Variants in ICA1 observed in about 807,000 individuals in gnomAD.
The protein encoded by ICA1 is islet cell autoantigen 1.
ICA1 carries 40 observed loss-of-function variants against 71.0 expected under a neutral mutation model. That is an observed-to-expected ratio of 0.56 (90% CI 0.44 to 0.73). The LOEUF (loss-of-function observed/expected upper bound fraction) is 0.73, where lower values mean the gene tolerates loss of function less well. ICA1 is among the 30% of genes least tolerant of loss of function. The pLI, the probability that ICA1 is intolerant of heterozygous loss-of-function variation, is 0.00. For missense variants in ICA1, 578 were observed against 576.5 expected, an observed-to-expected ratio of 1.00 and a Z score of -0.03; for synonymous variants, 207 against 209.5, an observed-to-expected ratio of 0.99 and a Z score of 0.10.
intron 1 of ICA1, among the ~76,000 whole-genome samples, chr7:8,245,782 C>T (rs1438992717): frequency 1.3e-5 from 2 of 152,144 alleles, no homozygotes; most frequent in Non-Finnish European, 2.9e-5. Flanking sequence ...TCTCAATTCA[C>T]ACTAGCCATA....
At chr7:8,169,139 G>C (rs1325516980) in intron 6 of ICA1, among the ~76,000 whole-genome samples, 1 of 152,020 alleles carries the variant, frequency 6.6e-6, no homozygotes, top group African/African-American at 2.4e-5. Context: ...TTTGTGGCTG[G>C]ATTCTTTCAC....
chr7:8,186,969 G>C (rs760314279), intron 6 of ICA1, among the ~76,000 whole-genome samples: 1 of 152,204 alleles, frequency 6.6e-6, no homozygotes, highest in Non-Finnish European at 1.5e-5. Context: ...TGGGCAACAA[G>C]AATGTTTATG....
At chr7:8,204,631 G>A (rs1212874486) in intron 6 of ICA1, among the ~76,000 whole-genome samples, 1 of 152,136 alleles carries the variant, frequency 6.6e-6, no homozygotes, top group African/African-American at 2.4e-5. Flanking sequence ...CTATCACATT[G>A]TTCATTGTGG....
chr7:8,225,230 T>C (rs1039411947), intron 4 of ICA1, among the ~76,000 whole-genome samples: 5 of 152,230 alleles, frequency 3.3e-5, no homozygotes, highest in Admixed American at 3.3e-4. Flanking sequence ...TCATTCTTTC[T>C]ATTAATTAAC....
At chr7:8,116,917 T>C (rs6975806) in intron 13 of ICA1, among the ~76,000 whole-genome samples, 5,397 of 152,320 alleles carry the variant, frequency 0.035, 107 homozygotes, top group Middle Eastern at 0.068. Context: ...TGGCTTGTGA[T>C]ATGGTTAGGC....
chr7:8,160,949 G>A (rs891417623), intron 6 of ICA1, among the ~76,000 whole-genome samples: 2 of 152,316 alleles, frequency 1.3e-5, no homozygotes, highest in Middle Eastern at 3.4e-3. Context: ...GGAGTCTGGA[G>A]GGGAAGATGT....
intron 12 of ICA1, among the ~76,000 whole-genome samples, chr7:8,138,108 A>C (rs1027540543): frequency 1.3e-5 from 2 of 152,206 alleles, no homozygotes; most frequent in Non-Finnish European, 2.9e-5. Flanking sequence ...TGGAGAGCTA[A>C]GGCTATAATT....
At chr7:8,244,590 G>A (rs1805228756) in intron 1 of ICA1, among the ~76,000 whole-genome samples, 2 of 152,108 alleles carry the variant, frequency 1.3e-5, no homozygotes, top group Non-Finnish European at 1.5e-5. Flanking sequence ...CTTCTGCACA[G>A]CAAAAGAAAC....
chr7:8,184,711 G>C (rs1783338999), intron 6 of ICA1, among the ~76,000 whole-genome samples: 1 of 152,218 alleles, frequency 6.6e-6, no homozygotes, highest in African/African-American at 2.4e-5. Flanking sequence ...GTATAGAAAA[G>C]ATATTGGAAG....
chr7:8,235,715 G>GA (rs926098522), intron 2 of ICA1, among the ~76,000 whole-genome samples, 195 bp downstream of exon 2: 1 of 152,180 alleles, frequency 6.6e-6, no homozygotes, highest in African/African-American at 2.4e-5. Context: ...CATTAGGTAA[G>GA]AATTTACAAT....
chr7:8,138,708 G>A (rs955039371), intron 12 of ICA1, 132 bp downstream of exon 12: 1 of 710,310 alleles, frequency 1.4e-6, no homozygotes, highest in Non-Finnish European at 2.4e-6. Flanking sequence ...CATTTATAAA[G>A]ACTGTCACCC....
intron 6 of ICA1, among the ~76,000 whole-genome samples, chr7:8,175,530 T>C (rs1780335892): frequency 9.5e-6 from 1 of 105,598 alleles, no homozygotes; most frequent in Non-Finnish European, 1.9e-5. Context: ...GGTTTTTTTC[T>C]TTATATCCAC....
intron 6 of ICA1, among the ~76,000 whole-genome samples, chr7:8,199,481 C>T (rs532392047): frequency 8.5e-5 from 13 of 152,238 alleles, no homozygotes; most frequent in East Asian, 3.9e-4. Context: ...GAGGCCAAGG[C>T]GGGCGGATCA....
chr7:8,239,020 T>C (rs367738500), intron 1 of ICA1, among the ~76,000 whole-genome samples: 289 of 152,276 alleles, frequency 1.9e-3, no homozygotes, highest in African/African-American at 6.5e-3. Flanking sequence ...TTTTTGGAAA[T>C]TGGTCTTTCT....
At chr7:8,158,482 C>T (rs371271402) in intron 7 of ICA1, 45 bp downstream of exon 7, 33 of 1,608,986 alleles carry the variant, frequency 2.1e-5, no homozygotes, top group African/African-American at 2.7e-5. Context: ...GTTATTTAAA[C>T]CTTGTGCCAT....
At position 8,198,185 on chromosome 7, in the gene ICA1, G is replaced by A. The variant is rs1050471130; in HGVS notation, c.579+20120C>T. On this transcript the variant is annotated intron_variant, in intron 6 of 13. Transcript: ENST00000402384. Reference sequence around the variant, plus strand: ...TGTCACAAACATCCACCCATCCTGCGCTGCACACTGTGCTACTTCATGCTC... The same window carrying A: ...TGTCACAAACATCCACCCATCCTGCACTGCACACTGTGCTACTTCATGCTC... 4.6e-5 allele frequency among the ~76,000 whole-genome samples: 7 copies of A among 152,158 alleles called. No individual in the cohort carries two copies. In the East Asian group the frequency reaches 5.8e-4, roughly 13 times the overall value.
intron 6 of ICA1, among the ~76,000 whole-genome samples, chr7:8,167,285 A>T (rs1584815382): frequency 6.6e-6 from 1 of 152,238 alleles, no homozygotes; most frequent in Non-Finnish European, 1.5e-5. Context: ...ATAGCATACT[A>T]CACAGCCATA....
intron 2 of ICA1, among the ~76,000 whole-genome samples, chr7:8,233,915 A>G (rs1312100695): frequency 6.6e-6 from 1 of 152,200 alleles, no homozygotes; most frequent in East Asian, 1.9e-4. Context: ...CAAATCAAAA[A>G]GTATGTGGAG....
intron 13 of ICA1, among the ~76,000 whole-genome samples, chr7:8,117,405 A>C (rs1015873742): frequency 6.6e-6 from 1 of 152,226 alleles, no homozygotes; most frequent in African/African-American, 2.4e-5. Context: ...CTAGTTCCAC[A>C]CAGCATTTAC....
Sources: allele counts gnomAD v4.1 joint callset (sites outside exome capture counted in the v4.1 genomes callset), GRCh38; gene constraint gnomAD v4.1.1; transcripts MANE v1.5; gene names NCBI Gene and HGNC (gene_info 2026-07-23, HGNC 2026-07-21).